The following AKR1C8 variants were observed in gnomAD, a reference collection of about 807,000 sequenced individuals.
AKR1C8 encodes aldo-keto reductase family 1 member C8.
At chr10:5,153,756 ATCCAATAACC>A in the AKR1C8 span, among the ~76,000 whole-genome samples, 3 of 152,142 alleles carry the variant, frequency 2.0e-5, no homozygotes, top group Non-Finnish European at 2.9e-5. Context: ...CGCCCCTATG[ATCCAATAACC>A]TCCCACCAGA....
chr10:5,175,851 G>C, the AKR1C8 span, among the ~76,000 whole-genome samples: 1 of 151,930 alleles, frequency 6.6e-6, no homozygotes, highest in African/African-American at 2.4e-5. Context: ...AAATTTGTTT[G>C]AGTTCATTGT....
At chr10:5,150,247 G>A in the AKR1C8 span, among the ~76,000 whole-genome samples, 1 of 152,114 alleles carries the variant, frequency 6.6e-6, no homozygotes, top group Admixed American at 6.6e-5. Context: ...TCTTGGACAA[G>A]AGGTGATTAT....
chr10:5,176,060 T>C, the AKR1C8 span, among the ~76,000 whole-genome samples: 1 of 151,970 alleles, frequency 6.6e-6, no homozygotes, highest in East Asian at 1.9e-4. Flanking sequence ...CCCATGCCTA[T>C]GTCCTGAATG....
the AKR1C8 span, among the ~76,000 whole-genome samples, chr10:5,141,426 G>A: frequency 6.6e-6 from 1 of 151,972 alleles, no homozygotes; most frequent in Non-Finnish European, 1.5e-5. Flanking sequence ...ATTTTCTTAT[G>A]AATTTCTTAC....
At chr10:5,160,760 G>T in the AKR1C8 span, 1 of 460,788 alleles carries the variant, frequency 2.2e-6, no homozygotes, top group Non-Finnish European at 4.5e-6. Context: ...CCCTCCTCCT[G>T]CAATTCCAAC....
the AKR1C8 span, among the ~76,000 whole-genome samples, chr10:5,137,417 C>G: frequency 6.6e-6 from 1 of 152,168 alleles, no homozygotes; most frequent in Admixed American, 6.5e-5. Flanking sequence ...AAGTTAGCTT[C>G]ATCCCTGGGA....
the AKR1C8 span, among the ~76,000 whole-genome samples, chr10:5,161,315 G>A: frequency 1.8e-4 from 27 of 152,260 alleles, no homozygotes; most frequent in African/African-American, 4.8e-4. Context: ...ACGCTCACCC[G>A]ACTCAGAGAG....
chr10:5,126,238 C>T, the AKR1C8 span, among the ~76,000 whole-genome samples: 1 of 152,274 alleles, frequency 6.6e-6, no homozygotes, highest in Non-Finnish European at 1.5e-5. Flanking sequence ...CACCTATACA[C>T]AGCTTTCCTG....
the AKR1C8 span, among the ~76,000 whole-genome samples, chr10:5,145,076 A>G: frequency 6.6e-6 from 1 of 152,006 alleles, no homozygotes; most frequent in Non-Finnish European, 1.5e-5. Context: ...AGTTTTTAGC[A>G]TGAAGGGTTG....
chr10:5,182,681 A>C, the AKR1C8 span, among the ~76,000 whole-genome samples: 1 of 152,116 alleles, frequency 6.6e-6, no homozygotes, highest in Non-Finnish European at 1.5e-5. Flanking sequence ...AGGCCGAGGC[A>C]GGCAGATTGC....
chr10:5,157,549 G>A, the AKR1C8 span: 1 of 391,058 alleles, frequency 2.6e-6, no homozygotes, highest in Non-Finnish European at 5.4e-6. Context: ...AGGAATGAAT[G>A]ACACGTGTCG....
the AKR1C8 span, among the ~76,000 whole-genome samples, chr10:5,128,790 A>C: frequency 6.6e-6 from 1 of 152,122 alleles, no homozygotes; most frequent in African/African-American, 2.4e-5. Context: ...GATTTATAAA[A>C]CTATTACTAG....
the AKR1C8 span, among the ~76,000 whole-genome samples, chr10:5,166,298 A>T: frequency 5.3e-5 from 8 of 152,272 alleles, no homozygotes; most frequent in Admixed American, 5.2e-4. Context: ...TTTAAAGTTC[A>T]TATGGAACCA....
the AKR1C8 span, among the ~76,000 whole-genome samples, chr10:5,126,770 A>G: frequency 1.3e-5 from 2 of 152,150 alleles, no homozygotes; most frequent in African/African-American, 4.8e-5. Flanking sequence ...CACTGAGTAT[A>G]TAGCTACTAC....
chr10:5,141,170 TAAGAA>T, the AKR1C8 span, among the ~76,000 whole-genome samples: 1 of 152,144 alleles, frequency 6.6e-6, no homozygotes, highest in Non-Finnish European at 1.5e-5. Context: ...TCACAATGGT[TAAGAA>T]AAGAGTAGAT....
chr10:5,128,206 C>A, the AKR1C8 span, among the ~76,000 whole-genome samples: 3 of 152,060 alleles, frequency 2.0e-5, no homozygotes, highest in Admixed American at 2.0e-4. Flanking sequence ...AGGAGAAATA[C>A]AGTCATTTTT....
the AKR1C8 span, among the ~76,000 whole-genome samples, chr10:5,122,339 C>A: frequency 3.9e-5 from 6 of 152,178 alleles, no homozygotes; most frequent in South Asian, 1.2e-3. Context: ...AGCTCTGCCT[C>A]TTCTCCATCC....
chr10:5,132,984 T>C, the AKR1C8 span, among the ~76,000 whole-genome samples: 2 of 152,180 alleles, frequency 1.3e-5, no homozygotes, highest in Non-Finnish European at 2.9e-5. Flanking sequence ...TAATTCCTGG[T>C]TGATCACTAG....
At chr10:5,120,379 T>A in the AKR1C8 span, among the ~76,000 whole-genome samples, 1 of 145,302 alleles carries the variant, frequency 6.9e-6, no homozygotes, top group Non-Finnish European at 1.5e-5. Context: ...GTGCCACTGG[T>A]TAGGGTCTCC....
Sources: gnomAD v4.1 joint callset for allele counts (sites outside exome capture counted in the v4.1 genomes callset) on GRCh38, gnomAD v4.1.1 for gene constraint, MANE v1.5 for transcripts, NCBI Gene and HGNC (gene_info 2026-07-23, HGNC 2026-07-21) for gene names.